IL15RA: variants seen among roughly 807,000 people sequenced by gnomAD.
IL15RA encodes the protein interleukin-15 receptor subunit alpha.
In IL15RA, 26 loss-of-function variants were observed where a neutral mutation model predicts 24.2. The ratio of observed to expected loss-of-function variants is 1.07; its 90% CI spans 0.79 to 1.49. The LOEUF (loss-of-function observed/expected upper bound fraction) is 1.49, where lower values mean the gene tolerates loss of function less well. Ranked by LOEUF, IL15RA falls within the 40% of genes most tolerant of loss-of-function variation. The probability of loss-of-function intolerance (pLI) is 0.00; values close to 1 mark genes in which losing one functional copy is unlikely to be tolerated. For synonymous variants in IL15RA, 166 were observed against 157.6 expected, an observed-to-expected ratio of 1.05 and a Z score of -0.40; for missense variants, 354 against 356.4, an observed-to-expected ratio of 0.99 and a Z score of 0.05.
rs41309776 is a variant in IL15RA, at chr10:5,963,498, T to C, written c.382+245A>G. Among the ~76,000 whole-genome samples, 1,974 of 152,362 alleles carry C rather than the reference T, an allele frequency of 0.013. 41 individuals are homozygous for C. The highest frequency in any genetic ancestry group is 0.043 in the African/African-American group (1,795 of 41,580). ...TAAGTGTCTACAACTAAATTTGATA[T>C]GACATATTAGTGAGTTTTAAACCAC... is the stretch of plus-strand genomic sequence containing the variant. On this transcript the variant is annotated intron_variant, in intron 3 of 6. Transcript: ENST00000379977. The surrounding 1 kb of genome is among the most constrained non-coding windows in gnomAD (Gnocchi z 5.3).
intron 6 of IL15RA, among the ~76,000 whole-genome samples, chr10:5,954,876 A>G (rs903199319): frequency 1.3e-5 from 2 of 152,150 alleles, no homozygotes; most frequent in Admixed American, 1.3e-4. Flanking sequence ...TGTTTTGTCA[A>G]CATTTTTCAT....
rs1836915384 is a variant in IL15RA, at chr10:5,968,107, A to C, written c.89-1768T>G. Reference sequence around the variant, plus strand: ...AACCAACAAACCAACCAAACAAAAAACATTAGCAACAAATGCCAAAGTGTT... The same window carrying C: ...AACCAACAAACCAACCAAACAAAAACCATTAGCAACAAATGCCAAAGTGTT... On this transcript the variant is annotated intron_variant, in intron 1 of 6. Coordinates refer to ENST00000379977, the MANE Select transcript of IL15RA (RefSeq NM_002189.4). The surrounding 1 kb of genome is among the most constrained non-coding windows in gnomAD (Gnocchi z 5.4). Among the ~76,000 whole-genome samples, 1 of 152,156 alleles carries C rather than the reference A, an allele frequency of 6.6e-6. No homozygotes were observed. Among genetic ancestry groups the C allele is most frequent in the Non-Finnish European group, 1.5e-5 (1 of 68,042 alleles).
chr10:5,977,509 G>A lies in IL15RA; in HGVS notation c.-17C>T, dbSNP rs1004329263. The A allele has an allele frequency of 7.5e-7, 1 of 1,327,784 alleles. No homozygotes were observed. The highest frequency in any genetic ancestry group is 3.8e-5 in the Admixed American group (1 of 26,038). 82.3% of individuals were successfully genotyped at this position (1,327,784 alleles called of 1,614,324 possible). On this transcript the variant is annotated 5_prime_UTR_variant, in exon 1 of 7. Coordinates refer to ENST00000379977, the MANE Select transcript of IL15RA (RefSeq NM_002189.4). ...CGGGGCCATGGCGGCAGCTCCACAG[G>A]ACACCGCTGGACTCCCCGGGCGAGC...
rs1352204715 is a variant in IL15RA at position 5,956,367 on chromosome 10, A to G, written c.692+12T>C. 1.9e-6 allele frequency: 3 copies of G among 1,600,772 alleles called. No homozygotes were observed. The highest frequency in any genetic ancestry group is 2.6e-6 in the Non-Finnish European group (3 of 1,167,834). ...TCTAACTCTTGCAGAGGGAGTATCC[A>G]GTGCAACTCACCTTGACTTGAGGTA... On this transcript the variant is annotated intron_variant, in intron 6 of 6. Transcript: ENST00000379977.
intron 5 of IL15RA, among the ~76,000 whole-genome samples, chr10:5,957,349 C>T (rs181201240): frequency 1.3e-5 from 2 of 151,964 alleles, no homozygotes; most frequent in African/African-American, 4.8e-5. Flanking sequence ...GATCTCAGCT[C>T]ACTACAACCT....
At chr10:5,977,374 C>T (rs903004389) in intron 1 of IL15RA, 31 bp downstream of exon 1, 4 of 1,130,162 alleles carry the variant, frequency 3.5e-6, no homozygotes, top group African/African-American at 1.6e-5. Context: ...TTCCAAGTCC[C>T]GCCCGGGCGC....
At position 5,966,341 on chromosome 10, in the gene IL15RA, T is replaced by C. The variant is rs776190205; in HGVS notation, c.89-2A>G. 5 of 1,603,560 alleles carry C rather than the reference T, an allele frequency of 3.1e-6. No homozygotes were observed. The Admixed American group carries it at 5.0e-5, about 16-fold the overall frequency. ...ACATGGGGGGAGGGCACGTGATGCC[T>C]GCGAAAGTGCAGAGGACAGGGGACG... On this transcript the variant is annotated splice_acceptor_variant, in intron 1 of 6. Coordinates refer to ENST00000379977, the MANE Select transcript of IL15RA (RefSeq NM_002189.4). LOFTEE classifies it high-confidence loss of function. This position sits in a 1 kb window ranked among gnomAD's most constrained non-coding sequence, Gnocchi z 6.4.
chr10:5,978,244 G>C (rs191828317), upstream of IL15RA: 20 of 152,756 alleles, frequency 1.3e-4, no homozygotes, highest in Admixed American at 1.0e-3. The surrounding 1 kb of genome is among the most constrained non-coding windows in gnomAD (Gnocchi z 5.2). Flanking sequence ...GGGGGAGAAG[G>C]GGGAGAGGAG....
Position 5,955,309 on chromosome 10 carries a change from G to T in IL15RA, c.692+1070C>A, listed in dbSNP as rs1166616668. On this transcript the variant is annotated intron_variant, in intron 6 of 6. Coordinates refer to ENST00000379977, the MANE Select transcript of IL15RA (RefSeq NM_002189.4). The surrounding 1 kb of genome is among the most constrained non-coding windows in gnomAD (Gnocchi z 5.3). Reference sequence around the variant, plus strand: ...AGACAGGGTTTCTCCATGTTGGTCAGGCTGGTCTCGAACTCCTGACCTCAC... The same window carrying T: ...AGACAGGGTTTCTCCATGTTGGTCATGCTGGTCTCGAACTCCTGACCTCAC... 6.6e-6 allele frequency among the ~76,000 whole-genome samples: 1 copy of T among 152,062 alleles called. No homozygotes were observed. Among genetic ancestry groups the T allele is most frequent in the African/African-American group, 2.4e-5 (1 of 41,376 alleles).
At position 5,971,732 on chromosome 10, in the gene IL15RA, G is replaced by A. The variant is rs8177662; in HGVS notation, c.89-5393C>T. Among the ~76,000 whole-genome samples the A allele has an allele frequency of 3.2e-3, 487 of 152,226 alleles. No homozygotes were observed. The highest frequency in any genetic ancestry group is 0.011 in the African/African-American group (463 of 41,526). On this transcript the variant is annotated intron_variant, in intron 1 of 6. Transcript: ENST00000379977. This position sits in a 1 kb window ranked among gnomAD's most constrained non-coding sequence, Gnocchi z 5.5. ...ATCACCTTCCTTCCTTATTTTCCCCGCTGAAATGTCAGCCAAGTCAACACA... is the reference window on the plus strand; with the variant it reads ...ATCACCTTCCTTCCTTATTTTCCCCACTGAAATGTCAGCCAAGTCAACACA...
rs1483575911 is a variant in IL15RA at position 5,955,337 on chromosome 10, G to A, written c.692+1042C>T. On this transcript the variant is annotated intron_variant, in intron 6 of 6. Coordinates refer to ENST00000379977, the MANE Select transcript of IL15RA (RefSeq NM_002189.4). The surrounding 1 kb of genome is among the most constrained non-coding windows in gnomAD (Gnocchi z 5.3). ...TGGTCTCGAACTCCTGACCTCACGC[G>A]ATCTGCCTGCCTTGGCCTCCCGAAG... Among the ~76,000 whole-genome samples the A allele has an allele frequency of 2.6e-5, 4 of 152,020 alleles. No individual in the cohort carries two copies. Among genetic ancestry groups the A allele is most frequent in the Admixed American group, 2.0e-4 (3 of 15,256 alleles).
At chr10:5,956,493 C>A in intron 5 of IL15RA, 39 bp from the exon 6 acceptor site, 1 of 1,469,422 alleles carries the variant, frequency 6.8e-7, no homozygotes. Context: ...CCCAGAAGCA[C>A]ATTCATTGCT....
chr10:5,960,439 A>G lies in IL15RA; in HGVS notation c.511T>C (p.Ser171Pro), dbSNP rs1471910652. ...GTTEISSHES[S>P]HGTPSQTTAK... The stretch of plus-strand genomic sequence containing the variant: ...GTTGTCTGAGAGGGGGTGCCGTGGG[A>G]GGACTCATGACTGCTTATCTCTGTG... The change falls in exon 4 of 7, where the codon TCC (serine) becomes CCC (proline). Residue 171 changes from serine to proline, a missense_variant. By Grantham distance (74) the Ser-to-Pro change is moderately conservative. Transcript: ENST00000379977. The surrounding 1 kb of genome is among the most constrained non-coding windows in gnomAD (Gnocchi z 5.1). 4.3e-6 allele frequency: 7 copies of G among 1,613,958 alleles called. No individual in the cohort carries two copies. Among genetic ancestry groups the G allele is most frequent in the Non-Finnish European group, 5.9e-6 (7 of 1,179,958 alleles).
chr10:5,948,980 G>A, downstream of IL15RA: 1 of 306,272 alleles, frequency 3.3e-6, no homozygotes, highest in Non-Finnish European at 6.6e-6. Flanking sequence ...AGATATAACA[G>A]ACAAGGAAGT....
At chr10:5,952,300 C>T (rs1387660928), downstream of IL15RA, 1 of 152,472 alleles carries the variant, frequency 6.6e-6, no homozygotes, top group African/African-American at 2.4e-5. Context: ...TGAACTCAGT[C>T]ACCTTGGACT....
rs8177688 is a variant in IL15RA, at chr10:5,965,586, A to T, written c.283+559T>A. On this transcript the variant is annotated intron_variant, in intron 2 of 6. Coordinates refer to ENST00000379977, the MANE Select transcript of IL15RA (RefSeq NM_002189.4). This position sits in a 1 kb window ranked among gnomAD's most constrained non-coding sequence, Gnocchi z 5.8. ...CCAGATGACCAGCCAGAGTGCCAGA[A>T]TATCACAAGAGCTGCCCAAGGCCTC... Among the ~76,000 whole-genome samples, 14,105 of 152,306 alleles carry T rather than the reference A, an allele frequency of 0.093. 1,137 individuals are homozygous for T. Among genetic ancestry groups the T allele is most frequent in the East Asian group, 0.3 (1,576 of 5,178 alleles).
At position 5,963,851 on chromosome 10, in the gene IL15RA, G is replaced by A. The variant is rs748620152; in HGVS notation, c.284-10C>T. On this transcript the variant is annotated splice_polypyrimidine_tract_variant and intron_variant, in intron 2 of 6. Coordinates refer to ENST00000379977, the MANE Select transcript of IL15RA (RefSeq NM_002189.4). This position sits in a 1 kb window ranked among gnomAD's most constrained non-coding sequence, Gnocchi z 5.3. Reference sequence around the variant, plus strand: ...ACCAGGGCAGGGTCTCCTAGAGAGAGGATAACCACATGGCACTTATGATCC... The same window carrying A: ...ACCAGGGCAGGGTCTCCTAGAGAGAAGATAACCACATGGCACTTATGATCC... 2 of 1,541,802 alleles carry A rather than the reference G, an allele frequency of 1.3e-6. No homozygotes were observed. The highest frequency in any genetic ancestry group is 1.3e-5 in the South Asian group (1 of 79,824).
chr10:5,969,660 G>A (rs8177667), intron 1 of IL15RA, among the ~76,000 whole-genome samples: 2 of 152,080 alleles, frequency 1.3e-5, no homozygotes, highest in Admixed American at 6.6e-5. Context: ...CACCCCGCCT[G>A]GCCTACTGAA....
rs41294159 is a variant in IL15RA at position 5,961,437 on chromosome 10, G to GAAAAA, written c.383-871_383-870insTTTTT. 6.6e-6 allele frequency among the ~76,000 whole-genome samples: 1 copy of GAAAAA among 151,820 alleles called. No homozygotes were observed. Among genetic ancestry groups the GAAAAA allele is most frequent in the African/African-American group, 2.4e-5 (1 of 41,358 alleles). On this transcript the variant is annotated intron_variant, in intron 3 of 6. Transcript: ENST00000379977. This position sits in a 1 kb window ranked among gnomAD's most constrained non-coding sequence, Gnocchi z 5.2. ...AAAAGGTGGGGGGAAGAAAAGAAAAGGTGTCAAAGATCTGAGTCGTTCAGC... is the reference window on the plus strand; with the variant it reads ...AAAAGGTGGGGGGAAGAAAAGAAAAGAAAAAGTGTCAAAGATCTGAGTCGTTCAGC...
Sources: gnomAD v4.1 joint callset for allele counts (sites outside exome capture counted in the v4.1 genomes callset) on GRCh38, gnomAD v4.1.1 for gene constraint, Gnocchi (gnomAD v3.1) non-coding constraint, MANE v1.5 for transcripts, NCBI Gene and HGNC (gene_info 2026-07-23, HGNC 2026-07-21) for gene names.